COL5A2: variants seen among roughly 807,000 people sequenced by gnomAD.
COL5A2 encodes collagen alpha-2(V) chain.
COL5A2 carries 23 observed loss-of-function variants against 208.2 expected under a neutral mutation model. The ratio of observed to expected loss-of-function variants is 0.11; its 90% CI spans 0.08 to 0.16. The LOEUF (loss-of-function observed/expected upper bound fraction) is 0.16. COL5A2 is among the 10% of genes least tolerant of loss of function. COL5A2 has a pLI of 1.00. For synonymous variants in COL5A2, 625 were observed against 628.5 expected, an observed-to-expected ratio of 0.99 and a Z score of 0.08; for missense variants, 1,590 against 1,956.4, an observed-to-expected ratio of 0.81 and a Z score of 3.53.
At chr2:189,393,536 A>G in the COL5A2 span, among the ~76,000 whole-genome samples, 1 of 152,124 alleles carries the variant, frequency 6.6e-6, no homozygotes, top group Non-Finnish European at 1.5e-5. Flanking sequence ...GTCATTGTCA[A>G]AGTAGTATCT....
chr2:189,426,826 T>C, the COL5A2 span, among the ~76,000 whole-genome samples: 29 of 152,338 alleles, frequency 1.9e-4, no homozygotes, highest in African/African-American at 7.0e-4. Flanking sequence ...ACATTCAAGA[T>C]GTGACCTGGC....
chr2:189,249,646 A>T, the COL5A2 span, among the ~76,000 whole-genome samples: 1 of 152,212 alleles, frequency 6.6e-6, no homozygotes, highest in African/African-American at 2.4e-5. Flanking sequence ...ACACCACTCA[A>T]TCCCAAACTG....
Position 189,072,071 on chromosome 2 carries a change from G to C in COL5A2, c.1127C>G (p.Ser376Cys). The change falls in exon 18 of 54, where the codon TCT (serine) becomes TGT (cysteine). Residue 376 changes from serine (S) to cysteine (C), a missense_variant. By Grantham distance (112) the Ser-to-Cys change is moderately radical. Transcript: ENST00000374866. ...GPMGPLGIPG[S>C]SGFPGNPGMK... ...TCCAGGATTTCCTGGAAAACCAGAA[G>C]AGCCTGGTATCCCAAGAGGACCCTA... The C allele has an allele frequency of 6.2e-7, 1 of 1,609,114 alleles. No individual in the cohort carries two copies. The highest frequency in any genetic ancestry group is 1.1e-5 in the South Asian group (1 of 90,526).
chr2:189,417,836 A>G, the COL5A2 span, among the ~76,000 whole-genome samples: 1 of 151,660 alleles, frequency 6.6e-6, no homozygotes, highest in African/African-American at 2.4e-5. Flanking sequence ...ACACATACAT[A>G]TATGTGTATA....
At chr2:189,064,865 T>C (rs1211834072) in intron 24 of COL5A2, 139 bp downstream of exon 24, 19 of 906,900 alleles carry the variant, frequency 2.1e-5, no homozygotes, top group Non-Finnish European at 3.0e-5. Context: ...AAGAGAGGAT[T>C]GGGGTTAGGC....
At chr2:189,183,092 C>A (rs952880486), upstream of COL5A2, among the ~76,000 whole-genome samples, 11 of 152,172 alleles carry the variant, frequency 7.2e-5, no homozygotes, top group African/African-American at 2.7e-4. Flanking sequence ...CTTCTTCTTT[C>A]AGTAATCCTC....
the COL5A2 span, among the ~76,000 whole-genome samples, chr2:189,367,794 C>T: frequency 0.02 from 3,001 of 152,234 alleles, 101 homozygotes; most frequent in African/African-American, 0.069. Context: ...TTCATATTGC[C>T]TGCCATGGGC....
the COL5A2 span, among the ~76,000 whole-genome samples, chr2:189,334,128 T>C: frequency 1.3e-5 from 2 of 151,972 alleles, no homozygotes; most frequent in Non-Finnish European, 2.9e-5. Flanking sequence ...TTAAATATAA[T>C]AAAAGGCATT....
At chr2:189,373,924 A>T in the COL5A2 span, among the ~76,000 whole-genome samples, 29 of 152,334 alleles carry the variant, frequency 1.9e-4, no homozygotes, top group African/African-American at 7.0e-4. Context: ...CTTTGCTTTC[A>T]CGTACCTATT....
chr2:189,229,452 C>A (rs926957741), upstream of COL5A2, among the ~76,000 whole-genome samples: 1 of 144,522 alleles, frequency 6.9e-6, no homozygotes, highest in East Asian at 2.0e-4. Flanking sequence ...AAAAAAAAAA[C>A]CTATTAGATC....
the COL5A2 span, among the ~76,000 whole-genome samples, chr2:189,250,531 A>T: frequency 2.6e-4 from 40 of 152,222 alleles, no homozygotes; most frequent in African/African-American, 8.9e-4. Flanking sequence ...AACATTACTG[A>T]TATTATTTTC....
chr2:189,433,631 G>A, the COL5A2 span, among the ~76,000 whole-genome samples: 1 of 152,108 alleles, frequency 6.6e-6, no homozygotes, highest in South Asian at 2.1e-4. Flanking sequence ...GACTAAACCA[G>A]GAAGAAGTTG....
chr2:189,237,203 G>T, the COL5A2 span, among the ~76,000 whole-genome samples: 2 of 151,566 alleles, frequency 1.3e-5, no homozygotes, highest in Non-Finnish European at 2.9e-5. Flanking sequence ...TCCTATTCCA[G>T]TTGCAATTGT....
chr2:189,043,655 A>G (rs539917337), intron 47 of COL5A2, among the ~76,000 whole-genome samples: 1 of 152,312 alleles, frequency 6.6e-6, no homozygotes, highest in South Asian at 2.1e-4. Flanking sequence ...TTAAATTAAA[A>G]CATTTCATAC....
chr2:189,301,144 G>A, the COL5A2 span, among the ~76,000 whole-genome samples: 1 of 151,926 alleles, frequency 6.6e-6, no homozygotes, highest in Non-Finnish European at 1.5e-5. Flanking sequence ...CCATGATCAT[G>A]CCACTTCACT....
chr2:189,110,389 A>T lies in COL5A2; in HGVS notation c.158T>A (p.Ile53Asn), dbSNP rs1443765130. 2.5e-6 allele frequency: 4 copies of T among 1,614,016 alleles called. No individual in the cohort carries two copies. Among genetic ancestry groups the T allele is most frequent in the Non-Finnish European group, 3.4e-6 (4 of 1,180,010 alleles). Residue 53 changes from isoleucine to asparagine, a missense_variant, in exon 2 of 54, where the codon ATT becomes AAT. Physicochemically the swap from Ile to Asn is moderately radical, Grantham distance 149. Coordinates refer to ENST00000374866, the MANE Select transcript of COL5A2 (RefSeq NM_000393.5). ...GATCTGACAAGGGGCAGGTTTCCAA[A>T]TGTCCCTGTTTAAGTACATCTGGCC... Reference protein sequence around the residue: ...QNGQMYLNRDIWKPAPCQICV... With the variant: ...QNGQMYLNRDNWKPAPCQICV...
intron 1 of COL5A2, among the ~76,000 whole-genome samples, chr2:189,135,620 T>C (rs1054505365): frequency 2.0e-5 from 3 of 152,008 alleles, no homozygotes; most frequent in African/African-American, 7.3e-5. Context: ...TTGCAAACAC[T>C]ATGCTTATAT....
chr2:189,092,782 G>A (rs539873792), intron 6 of COL5A2, among the ~76,000 whole-genome samples: 99 of 152,246 alleles, frequency 6.5e-4, no homozygotes, highest in Non-Finnish European at 1.2e-3. Context: ...AAATTCACTT[G>A]TCTGTCACTG....
At chr2:189,201,932 AT>A (rs1311720796) in intron 1 of COL5A2, among the ~76,000 whole-genome samples, 2 of 151,732 alleles carry the variant, frequency 1.3e-5, no homozygotes, top group Non-Finnish European at 3.0e-5. Context: ...CATTGATCAT[AT>A]AAAACATTTT....
Sources: allele counts gnomAD v4.1 joint callset (sites outside exome capture counted in the v4.1 genomes callset), GRCh38; gene constraint gnomAD v4.1.1; transcripts MANE v1.5; gene names NCBI Gene and HGNC (gene_info 2026-07-23, HGNC 2026-07-21).